JARID2: variants seen among roughly 807,000 people sequenced by gnomAD.
The protein encoded by JARID2 is jumonji and AT-rich interaction domain containing 2.
A neutral mutation model predicts 125.6 loss-of-function variants in JARID2; 21 were observed. That is an observed-to-expected ratio of 0.17 (90% CI 0.12 to 0.24). The LOEUF is 0.24. Ranked by LOEUF, JARID2 falls within the 10% of genes least tolerant of loss-of-function variation. The pLI, the probability that JARID2 is intolerant of heterozygous loss-of-function variation, is 1.00. For missense variants in JARID2, 1,303 were observed against 1,639.6 expected (o/e 0.79, Z 3.55); for synonymous variants, 736 against 661.6 (o/e 1.11, Z -1.73).
At chr6:15,444,232 C>T (rs939350084) in intron 3 of JARID2, among the ~76,000 whole-genome samples, 1 of 152,164 alleles carries the variant, frequency 6.6e-6, no homozygotes, top group Non-Finnish European at 1.5e-5. Flanking sequence ...GTAAATCAAA[C>T]CCTGACCGTT....
chr6:15,489,289 T>C (rs1031204944), intron 6 of JARID2, among the ~76,000 whole-genome samples: 2 of 152,218 alleles, frequency 1.3e-5, no homozygotes, highest in Non-Finnish European at 2.9e-5. Context: ...CTGGAGGCCA[T>C]ATCCAGGTGA....
chr6:15,386,446 C>G (rs141282890), intron 2 of JARID2, among the ~76,000 whole-genome samples: 1 of 152,156 alleles, frequency 6.6e-6, no homozygotes, highest in Non-Finnish European at 1.5e-5. Context: ...CTTCCTATCA[C>G]GCTGAAAAGG....
At chr6:15,428,755 A>G (rs962357390) in intron 3 of JARID2, among the ~76,000 whole-genome samples, 14 of 151,988 alleles carry the variant, frequency 9.2e-5, no homozygotes, top group African/African-American at 2.9e-4. Flanking sequence ...AAAATACAAA[A>G]ATTAGCTGGG....
At chr6:15,248,627 C>G (rs1323261686) in intron 1 of JARID2, 1 of 151,936 alleles carries the variant, frequency 6.6e-6, no homozygotes, top group Non-Finnish European at 1.5e-5. Context: ...AGCGCGCCCC[C>G]TCTCCGCCCC....
At chr6:15,453,891 T>A (rs929334374) in intron 4 of JARID2, among the ~76,000 whole-genome samples, 9 of 152,116 alleles carry the variant, frequency 5.9e-5, no homozygotes, top group African/African-American at 2.2e-4. Context: ...TGCTTTCTTA[T>A]AGGGATAAGT....
chr6:15,282,433 C>A (rs1701024627), intron 1 of JARID2, among the ~76,000 whole-genome samples: 1 of 152,116 alleles, frequency 6.6e-6, no homozygotes, highest in African/African-American at 2.4e-5. Flanking sequence ...CTGTTCTCAG[C>A]CTTTTTCGTT....
chr6:15,333,167 C>T (rs1365158266), intron 1 of JARID2, among the ~76,000 whole-genome samples: 1 of 151,952 alleles, frequency 6.6e-6, no homozygotes, highest in Non-Finnish European at 1.5e-5. Flanking sequence ...CTCCTGACCT[C>T]GTGATCCACC....
At chr6:15,313,468 C>A (rs1762081748) in intron 1 of JARID2, among the ~76,000 whole-genome samples, 1 of 152,172 alleles carries the variant, frequency 6.6e-6, no homozygotes, top group South Asian at 2.1e-4. Flanking sequence ...TGTGCCTCTT[C>A]ACTGGTGACT....
At chr6:15,250,449 G>A (rs1759401752) in intron 1 of JARID2, among the ~76,000 whole-genome samples, 1 of 152,000 alleles carries the variant, frequency 6.6e-6, no homozygotes. Flanking sequence ...ATGTTTACGT[G>A]GCTTTTCAGT....
chr6:15,327,742 TAAA>T (rs1451142778), intron 1 of JARID2, among the ~76,000 whole-genome samples: 4 of 152,178 alleles, frequency 2.6e-5, no homozygotes, highest in Non-Finnish European at 1.5e-5. Context: ...ACAGTCTTTA[TAAA>T]AAGAATAAAT....
At chr6:15,456,878 C>CTTTTTTTTTTTTTTTTTTTTTT (rs71535043) in intron 4 of JARID2, among the ~76,000 whole-genome samples, 4 of 95,672 alleles carry the variant, frequency 4.2e-5, no homozygotes, top group African/African-American at 1.6e-4. Context: ...GGATGTTAAG[C>CTTTTTTTTTTTTTTTTTTTTTT]TTTTTTTTTT....
chr6:15,309,722 G>A (rs1020641622), intron 1 of JARID2, among the ~76,000 whole-genome samples: 1 of 152,018 alleles, frequency 6.6e-6, no homozygotes, highest in Non-Finnish European at 1.5e-5. Context: ...TGAAGTGGTG[G>A]TGTAGGCACA....
Position 15,370,309 on chromosome 6 carries a change from T to C in JARID2, c.46-3808T>C, listed in dbSNP as rs1424898643. Among the ~76,000 whole-genome samples, 11 of 150,016 alleles carry C rather than the reference T, an allele frequency of 7.3e-5. No individual in the cohort carries two copies. In the Admixed American group the frequency reaches 7.4e-4, roughly 10 times the overall value. On this transcript the variant is annotated intron_variant, in intron 1 of 17. Transcript: ENST00000341776. ...TATTTTGAGTTTGCTTGACCTCTAA[T>C]GATAGAGTTGTATCTGGGCTGTTTT... is the stretch of plus-strand genomic sequence containing the variant.
In JARID2 at chr6:15,501,415, G is replaced by C; in HGVS notation, c.2448+6G>C. The stretch of plus-strand genomic sequence containing the variant: ...TCCACAAGTGCATCTATAAGGTAGG[G>C]GCCTCCGCAGAGCAGCCACTCCCAG... On this transcript the variant is annotated splice_donor_region_variant and intron_variant, in intron 8 of 17. Transcript: ENST00000341776. 2 of 1,525,244 alleles carry C rather than the reference G, an allele frequency of 1.3e-6. No individual in the cohort carries two copies. The highest frequency in any genetic ancestry group is 8.8e-7 in the Non-Finnish European group (1 of 1,139,378). 94.5% of individuals were successfully genotyped at this position (1,525,244 alleles called of 1,614,324 possible).
chr6:15,438,523 C>T (rs1767309613), intron 3 of JARID2, among the ~76,000 whole-genome samples: 1 of 152,146 alleles, frequency 6.6e-6, no homozygotes, highest in East Asian at 1.9e-4. Flanking sequence ...TTGTTTCTGA[C>T]CAATGTGGAC....
At chr6:15,372,204 G>T (rs1764196661) in intron 1 of JARID2, among the ~76,000 whole-genome samples, 1 of 152,088 alleles carries the variant, frequency 6.6e-6, no homozygotes, top group Admixed American at 6.6e-5. Flanking sequence ...AGTTTTCTGT[G>T]ATCCTTCAGT....
chr6:15,247,937 G>T (rs1255262505), intron 1 of JARID2: 2 of 985,348 alleles, frequency 2.0e-6, no homozygotes, highest in Non-Finnish European at 2.4e-6. Context: ...GTCTTGGAGC[G>T]TGGACGCCTT....
At chr6:15,469,326 CT>C (rs1768922602) in intron 5 of JARID2, among the ~76,000 whole-genome samples, 1 of 105,684 alleles carries the variant, frequency 9.5e-6, no homozygotes, top group Non-Finnish European at 2.0e-5. Flanking sequence ...CTGTCTCTCT[CT>C]CTCTCTCTCC....
intron 1 of JARID2, among the ~76,000 whole-genome samples, chr6:15,249,524 T>TG (rs566989387): frequency 1.2e-4 from 18 of 152,204 alleles, no homozygotes; most frequent in Non-Finnish European, 2.5e-4. Flanking sequence ...TTCTCTTTTG[T>TG]AAAATGGAAA....
Sources: allele counts gnomAD v4.1 joint callset (sites outside exome capture counted in the v4.1 genomes callset), GRCh38; gene constraint gnomAD v4.1.1; transcripts MANE v1.5; gene names NCBI Gene and HGNC (gene_info 2026-07-23, HGNC 2026-07-21).